Variants in WSCD1 observed in about 807,000 individuals in gnomAD.
WSCD1 encodes the protein WSC domain sialate O sulfotransferase 1, also known as sialate:O-sulfotransferase 1.
WSCD1 carries 41 observed loss-of-function variants against 60.4 expected under a neutral mutation model. That is an observed-to-expected ratio of 0.68 (90% confidence interval 0.53 to 0.88). The LOEUF (loss-of-function observed/expected upper bound fraction) is 0.88, where lower values mean the gene tolerates loss of function less well. Ranked by LOEUF, WSCD1 falls within the 40% of genes least tolerant of loss-of-function variation. The pLI is 0.00. For synonymous variants in WSCD1, 361 were observed against 332.5 expected (o/e 1.09, Z -0.93); for missense variants, 784 against 796.2 (o/e 0.98, Z 0.18).
intron 5 of WSCD1, among the ~76,000 whole-genome samples, chr17:6,108,745 C>T (rs1597368223): frequency 6.6e-6 from 1 of 152,248 alleles, no homozygotes; most frequent in African/African-American, 2.4e-5. Flanking sequence ...CTAGAATTCA[C>T]TTTCACACCT....
intron 4 of WSCD1, 126 bp from the exon 5 acceptor site, chr17:6,094,976 T>G: frequency 2.1e-6 from 3 of 1,430,402 alleles, no homozygotes; most frequent in Non-Finnish European, 9.3e-7. Flanking sequence ...TTTCCCTCCC[T>G]GATTTGAACT....
In WSCD1 at chr17:6,080,377, G is replaced by C. The variant is rs41314085; in HGVS notation, c.-282G>C. 551 of 471,582 alleles carry C rather than the reference G, an allele frequency of 1.2e-3. 4 individuals carry two copies. In the East Asian group the frequency reaches 0.017, roughly 14 times the overall value. 29.2% of individuals were successfully genotyped at this position (471,582 alleles called of 1,614,324 possible). A position where few individuals can be genotyped will look rare whatever the true frequency, so the allele number is the denominator to read the frequency against. On this transcript the variant is annotated 5_prime_UTR_variant, in exon 2 of 9. Coordinates refer to ENST00000317744, the MANE Select transcript of WSCD1 (RefSeq NM_015253.2). The surrounding 1 kb of genome is among the most constrained non-coding windows in gnomAD (Gnocchi z 6.6). ...CTCTTTCTCCACCTTCCAGATTTCT[G>C]CGCCAGGAGATGAGGGGCGGTAGAG...
rs562923345 is a variant in WSCD1, at chr17:6,087,056, C to T, written c.428-934C>T. ...TATCACAGGTGCCCGATCCAGATCT[C>T]GGCGCAGCTATTGTGGGTGTGCGTT... On this transcript the variant is annotated intron_variant, in intron 2 of 8. Transcript: ENST00000317744. Among the ~76,000 whole-genome samples, 12 of 152,326 alleles carry T rather than the reference C, an allele frequency of 7.9e-5. No individual in the cohort carries two copies. In the South Asian group the frequency reaches 1.0e-3, roughly 13 times the overall value.
chr17:6,113,497 G>A (rs1471895663), intron 7 of WSCD1, among the ~76,000 whole-genome samples: 1 of 152,156 alleles, frequency 6.6e-6, no homozygotes, highest in African/African-American at 2.4e-5. Context: ...TTAGACAAGT[G>A]GTATTATGTC....
At chr17:6,113,193 G>A (rs983505903) in intron 7 of WSCD1, among the ~76,000 whole-genome samples, 3 of 152,146 alleles carry the variant, frequency 2.0e-5, no homozygotes, top group Non-Finnish European at 4.4e-5. Context: ...ACATACATTT[G>A]GGAAAGGACA....
At chr17:6,089,004 A>G (rs1412890958) in intron 3 of WSCD1, among the ~76,000 whole-genome samples, 3 of 151,752 alleles carry the variant, frequency 2.0e-5, no homozygotes, top group East Asian at 1.9e-4. Context: ...GGATGGTCTC[A>G]ATCTCCTGAC....
At chr17:6,108,907 C>T (rs1419381575) in intron 5 of WSCD1, among the ~76,000 whole-genome samples, 3 of 152,218 alleles carry the variant, frequency 2.0e-5, no homozygotes, top group Non-Finnish European at 2.9e-5. Context: ...TTTGAAGAAT[C>T]CTCCTTGGGC....
rs896565520 is a variant in WSCD1, at chr17:6,075,500, G to A, written c.-289+4848G>A. Among the ~76,000 whole-genome samples, 1 of 152,152 alleles carries A rather than the reference G, an allele frequency of 6.6e-6. No individual in the cohort carries two copies. The highest frequency in any genetic ancestry group is 2.4e-5 in the African/African-American group (1 of 41,430). On this transcript the variant is annotated intron_variant, in intron 1 of 8. Transcript: ENST00000317744. This position sits in a 1 kb window ranked among gnomAD's most constrained non-coding sequence, Gnocchi z 4.1. Reference sequence around the variant, plus strand: ...CACCCATCATTCAGGCTGGGCAGTTGCTGCTCCCTCGGTCCCAGATGGCAA... The same window carrying A: ...CACCCATCATTCAGGCTGGGCAGTTACTGCTCCCTCGGTCCCAGATGGCAA...
chr17:6,069,340 G>A (rs143201079), upstream of WSCD1: 65 of 398,844 alleles, frequency 1.6e-4, no homozygotes, highest in East Asian at 2.2e-3. Context: ...TTTAAAGAGG[G>A]GGATTGTGTA....
intron 4 of WSCD1, 109 bp from the exon 5 acceptor site, chr17:6,094,993 G>T (rs1597360394): frequency 2.1e-6 from 3 of 1,434,536 alleles, no homozygotes; most frequent in Non-Finnish European, 2.8e-6. Flanking sequence ...AACTCGCCTC[G>T]TAAGTTTATT....
chr17:6,114,818 T>C (rs749557950), intron 7 of WSCD1, among the ~76,000 whole-genome samples: 1 of 152,050 alleles, frequency 6.6e-6, no homozygotes, highest in Non-Finnish European at 1.5e-5. Flanking sequence ...CTTAGGTATT[T>C]GTCCTAATGC....
At chr17:6,069,390 CGTGTGTGTGTGT>C (rs771018197), upstream of WSCD1, 166 of 335,746 alleles carry the variant, frequency 4.9e-4, no homozygotes, top group African/African-American at 7.5e-4. Context: ...CACCTCGGTG[CGTGTGTGTGTGT>C]GTGTGTGTGT....
intron 5 of WSCD1, among the ~76,000 whole-genome samples, chr17:6,106,700 G>C (rs560549950): frequency 2.9e-4 from 44 of 152,190 alleles, no homozygotes; most frequent in Non-Finnish European, 5.6e-4. Flanking sequence ...CATGTCATCA[G>C]ATAGGTTAGT....
At chr17:6,076,069 G>A (rs1007044650) in intron 1 of WSCD1, among the ~76,000 whole-genome samples, 4 of 152,170 alleles carry the variant, frequency 2.6e-5, no homozygotes, top group Non-Finnish European at 4.4e-5. Context: ...ATCTTGCCTC[G>A]TGTGAAACCG....
intron 1 of WSCD1, among the ~76,000 whole-genome samples, chr17:6,076,118 A>G (rs932601834): frequency 6.6e-6 from 1 of 152,180 alleles, no homozygotes; most frequent in Admixed American, 6.5e-5. Flanking sequence ...CTTCGTGGGC[A>G]TAATGTAGGC....
At chr17:6,091,436 T>C (rs1043227576) in intron 4 of WSCD1, among the ~76,000 whole-genome samples, 8 of 152,104 alleles carry the variant, frequency 5.3e-5, no homozygotes, top group Admixed American at 2.6e-4. Flanking sequence ...CCAGGCTGCA[T>C]GGCCACTCTG....
intron 2 of WSCD1, among the ~76,000 whole-genome samples, chr17:6,084,201 T>C (rs1327720402): frequency 1.3e-5 from 2 of 152,214 alleles, no homozygotes; most frequent in African/African-American, 4.8e-5. Context: ...GTGCCCTCCA[T>C]AGGTTGTCAA....
chr17:6,109,514 A>C (rs1911282225), intron 5 of WSCD1, 93 bp from the exon 6 acceptor site: 1 of 1,516,152 alleles, frequency 6.6e-7, no homozygotes, highest in Admixed American at 1.8e-5. Flanking sequence ...ACAGCTGGCA[A>C]TACATCGTCC....
At chr17:6,078,338 T>C (rs904538006) in intron 1 of WSCD1, among the ~76,000 whole-genome samples, 2 of 152,052 alleles carry the variant, frequency 1.3e-5, no homozygotes, top group African/African-American at 4.8e-5. Flanking sequence ...AACCCCGGGA[T>C]GGTGAGTGCT....
Sources: gnomAD v4.1 joint callset for allele counts (sites outside exome capture counted in the v4.1 genomes callset) on GRCh38, gnomAD v4.1.1 for gene constraint, Gnocchi (gnomAD v3.1) non-coding constraint, MANE v1.5 for transcripts, NCBI Gene and HGNC (gene_info 2026-07-23, HGNC 2026-07-21) for gene names.